The following CES5A variants were observed in gnomAD, a reference collection of about 807,000 sequenced individuals.
CES5A encodes the protein carboxylesterase 5A.
Under a neutral mutation model 62.9 loss-of-function variants are expected in CES5A, and 67 were observed. The ratio of observed to expected loss-of-function variants is 1.07; its 90% CI spans 0.88 to 1.31. CES5A has a LOEUF of 1.31. CES5A is among the 50% of genes most tolerant of loss of function. CES5A has a pLI of 0.00. For synonymous variants in CES5A, 296 were observed against 280.8 expected, an observed-to-expected ratio of 1.05 and a Z score of -0.54; for missense variants, 748 against 708.5, an observed-to-expected ratio of 1.06 and a Z score of -0.63.
intron 4 of CES5A, among the ~76,000 whole-genome samples, chr16:55,867,812 C>A (rs1198912787): frequency 6.6e-6 from 1 of 152,226 alleles, no homozygotes; most frequent in Non-Finnish European, 1.5e-5. Context: ...ATAGTGCCCA[C>A]TCCACATGGT....
intron 1 of CES5A, among the ~76,000 whole-genome samples, chr16:55,889,319 G>A (rs1355781135): frequency 6.6e-6 from 1 of 152,078 alleles, no homozygotes; most frequent in African/African-American, 2.4e-5. Context: ...AATCCCACAG[G>A]TTGGGGGCTC....
At chr16:55,872,401 G>A (rs2033610368) in intron 2 of CES5A, among the ~76,000 whole-genome samples, 1 of 152,138 alleles carries the variant, frequency 6.6e-6, no homozygotes, top group African/African-American at 2.4e-5. Context: ...CTCTTCTTCG[G>A]AAACACCCAC....
chr16:55,910,455 G>A (rs544821773), intron 1 of CES5A, among the ~76,000 whole-genome samples: 17 of 152,248 alleles, frequency 1.1e-4, no homozygotes, highest in East Asian at 5.8e-4. Flanking sequence ...TTTCCTGAGG[G>A]CCTGTGCCAC....
At chr16:55,895,073 C>T (rs1280344983) in intron 1 of CES5A, among the ~76,000 whole-genome samples, 3 of 152,188 alleles carry the variant, frequency 2.0e-5, no homozygotes, top group African/African-American at 7.2e-5. Context: ...TCACATCTGG[C>T]TGACCTTCAG....
At chr16:55,891,031 T>G (rs1410338549) in intron 1 of CES5A, among the ~76,000 whole-genome samples, 3 of 151,984 alleles carry the variant, frequency 2.0e-5, no homozygotes, top group Non-Finnish European at 4.4e-5. Flanking sequence ...TCATTCCGAT[T>G]ATCTGCTCCA....
At chr16:55,909,952 A>G (rs562865950) in intron 1 of CES5A, among the ~76,000 whole-genome samples, 1 of 152,270 alleles carries the variant, frequency 6.6e-6, no homozygotes, top group South Asian at 2.1e-4. Context: ...CATTGCCTGC[A>G]TGAGTGCCCA....
intron 2 of CES5A, among the ~76,000 whole-genome samples, chr16:55,934,365 T>C (rs1408108065): frequency 5.3e-5 from 8 of 152,218 alleles, no homozygotes; most frequent in South Asian, 2.1e-4. Context: ...TAAATAAATA[T>C]GTGAAATGTG....
chr16:55,853,672 G>A (rs2033175823), intron 9 of CES5A, among the ~76,000 whole-genome samples: 1 of 152,172 alleles, frequency 6.6e-6, no homozygotes, highest in African/African-American at 2.4e-5. Context: ...CTTTAGTCCT[G>A]TTGTTTCCCC....
In CES5A at chr16:55,875,267, C is replaced by T; in HGVS notation, c.-46G>A. The T allele has an allele frequency of 6.3e-7, 1 of 1,597,522 alleles. No homozygotes were observed. On this transcript the variant is annotated 5_prime_UTR_variant, in exon 1 of 13. Coordinates refer to ENST00000290567, the MANE Select transcript of CES5A (RefSeq NM_001143685.2). ...TGTGAACATTGACGGCGGCTGCTGG[C>T]CTCAGAGAGCTTCAGTTGGGAGCCA...
chr16:55,887,908 T>C (rs1433779321), intron 1 of CES5A, among the ~76,000 whole-genome samples: 1 of 152,134 alleles, frequency 6.6e-6, no homozygotes, highest in Admixed American at 6.5e-5. Flanking sequence ...GGAAATTTTA[T>C]AGGATGGTTC....
rs753132542 is a variant in CES5A at position 55,856,460 on chromosome 16, G to C, written c.1057-15C>G. On this transcript the variant is annotated splice_polypyrimidine_tract_variant and intron_variant, in intron 8 of 12. Transcript: ENST00000290567. ...GGAGCCTCCTTCTGTGGAGAGAAGCGTGCCCTCTGTAAGCCATCTGGTCAT... is the reference window on the plus strand; with the variant it reads ...GGAGCCTCCTTCTGTGGAGAGAAGCCTGCCCTCTGTAAGCCATCTGGTCAT... 6.2e-7 allele frequency: 1 copy of C among 1,613,338 alleles called. No homozygotes were observed. The highest frequency in any genetic ancestry group is 2.2e-5 in the East Asian group (1 of 44,856).
chr16:55,928,119 T>C (rs868276237), upstream of CES5A, among the ~76,000 whole-genome samples: 34 of 152,218 alleles, frequency 2.2e-4, no homozygotes, highest in Middle Eastern at 0.01. Context: ...GGCAGGTGCC[T>C]ATAGTCCCAG....
chr16:55,899,895 A>C lies in CES5A; in HGVS notation c.-256+25428T>G, dbSNP rs529448389. Among the ~76,000 whole-genome samples, 86 of 152,326 alleles carry C rather than the reference A, an allele frequency of 5.6e-4. 1 individual carries two copies. Among genetic ancestry groups the C allele is most frequent in the Non-Finnish European group, 1.1e-3 (72 of 68,024 alleles). ...AAAATTTTGACCTATAAAAACACCC[A>C]GTGATTTCCCATGACTCATATTGAG... On this transcript the variant is annotated intron_variant, in intron 1 of 12. Transcript: ENST00000518005.
chr16:55,943,021 C>G (rs1332142362), intron 2 of CES5A, among the ~76,000 whole-genome samples: 1 of 152,160 alleles, frequency 6.6e-6, no homozygotes, highest in African/African-American at 2.4e-5. Flanking sequence ...AGGTTGGCTA[C>G]AAATGAGCCC....
chr16:55,851,210 A>T (rs528354396), intron 10 of CES5A, among the ~76,000 whole-genome samples: 25 of 152,338 alleles, frequency 1.6e-4, no homozygotes, highest in Admixed American at 1.5e-3. Context: ...CAACCCGGCA[A>T]CCCACAGAAT....
At chr16:55,865,235 A>ATGTG (rs1305072255) in intron 5 of CES5A, among the ~76,000 whole-genome samples, 23 of 152,176 alleles carry the variant, frequency 1.5e-4, no homozygotes, top group Admixed American at 5.2e-4. Flanking sequence ...AAAACCATAT[A>ATGTG]TGTGTGTGTA....
rs73553879 is a variant in CES5A at position 55,887,297 on chromosome 16, G to A, written c.-255-13260C>T. Among the ~76,000 whole-genome samples, 1,323 of 151,446 alleles carry A rather than the reference G, an allele frequency of 8.7e-3. 24 individuals are homozygous for A. The highest frequency in any genetic ancestry group is 0.03 in the African/African-American group (1,251 of 41,226). On this transcript the variant is annotated intron_variant, in intron 1 of 12. Coordinates refer to the CES5A transcript ENST00000518005. ...TGCTTCCACGGGTCAACAGTTGACCGGTTGACCCAACAAAGAGTCCACTGA... is the reference window on the plus strand; with the variant it reads ...TGCTTCCACGGGTCAACAGTTGACCAGTTGACCCAACAAAGAGTCCACTGA...
intron 1 of CES5A, among the ~76,000 whole-genome samples, chr16:55,913,918 A>T (rs1358714133): frequency 1.3e-5 from 2 of 152,162 alleles, no homozygotes; most frequent in African/African-American, 4.8e-5. Context: ...CCTGCAGCTC[A>T]CTAGGTGAGG....
intron 1 of CES5A, among the ~76,000 whole-genome samples, chr16:55,917,482 G>A (rs1295479589): frequency 6.6e-6 from 1 of 152,210 alleles, no homozygotes; most frequent in Non-Finnish European, 1.5e-5. Context: ...ACTCACCCAT[G>A]TGGTTGTTGG....
Sources: allele counts gnomAD v4.1 joint callset (sites outside exome capture counted in the v4.1 genomes callset), GRCh38; gene constraint gnomAD v4.1.1; transcripts MANE v1.5; gene names NCBI Gene and HGNC (gene_info 2026-07-23, HGNC 2026-07-21).